The following TRIM16 variants were observed in gnomAD, a reference collection of about 807,000 sequenced individuals.
The protein encoded by TRIM16 is tripartite motif containing 16.
A neutral mutation model predicts 50.4 loss-of-function variants in TRIM16; 33 were observed. That is an observed-to-expected ratio of 0.65 (90% CI 0.50 to 0.88). TRIM16 has a LOEUF of 0.88. Ranked by LOEUF, TRIM16 falls within the 40% of genes least tolerant of loss-of-function variation. The pLI, the probability that TRIM16 is intolerant of heterozygous loss-of-function variation, is 0.00. For synonymous variants in TRIM16, 229 were observed against 270.7 expected, an observed-to-expected ratio of 0.85 and a Z score of 1.51; for missense variants, 581 against 686.8, an observed-to-expected ratio of 0.85 and a Z score of 1.72.
chr17:15,673,513 C>T (rs1988801700), intron 6 of TRIM16, among the ~76,000 whole-genome samples: 1 of 152,074 alleles, frequency 6.6e-6, no homozygotes, highest in South Asian at 2.1e-4. Flanking sequence ...ATCTCAGGTT[C>T]TGGCTAGTAC....
Position 15,673,756 on chromosome 17 carries a change from T to C in TRIM16, c.-338+3420A>G, listed in dbSNP as rs574322326. ...ATAACCAAAAAATAATGCCTGGCTTTATTAGGTACACATAAAATTTCTTAG... is the reference window on the plus strand; with the variant it reads ...ATAACCAAAAAATAATGCCTGGCTTCATTAGGTACACATAAAATTTCTTAG... On this transcript the variant is annotated intron_variant, in intron 6 of 11. Coordinates refer to ENST00000649191, the MANE Select transcript of TRIM16 (RefSeq NM_001348119.1). 2.0e-5 allele frequency among the ~76,000 whole-genome samples: 3 copies of C among 152,366 alleles called. No homozygotes were observed. The South Asian group carries it at 6.2e-4, about 32-fold the overall frequency.
chr17:15,674,947 A>T (rs938284941), intron 6 of TRIM16, among the ~76,000 whole-genome samples: 5 of 151,866 alleles, frequency 3.3e-5, no homozygotes, highest in African/African-American at 4.8e-5. Context: ...TGGTATTAGG[A>T]TATGTAATTA....
At chr17:15,648,413 A>AGT (rs1987523050) in intron 7 of TRIM16, among the ~76,000 whole-genome samples, 1 of 152,152 alleles carries the variant, frequency 6.6e-6, no homozygotes, top group Non-Finnish European at 1.5e-5. Context: ...GTGTCTGCCC[A>AGT]CTGATATGGC....
At chr17:15,632,478 A>C in intron 10 of TRIM16, 31 bp downstream of exon 10, 2 of 1,583,370 alleles carry the variant, frequency 1.3e-6, no homozygotes, top group Non-Finnish European at 1.7e-6. Flanking sequence ...AGACACACTC[A>C]CTATAGTCCA....
intron 6 of TRIM16, among the ~76,000 whole-genome samples, chr17:15,672,644 G>A (rs564825589): frequency 6.6e-6 from 1 of 152,290 alleles, no homozygotes; most frequent in South Asian, 2.1e-4. Context: ...TGAGGTGGGA[G>A]GATCAAGGAT....
intron 6 of TRIM16, among the ~76,000 whole-genome samples, chr17:15,662,392 A>G (rs1358825990): frequency 6.6e-6 from 1 of 152,198 alleles, no homozygotes; most frequent in Non-Finnish European, 1.5e-5. Context: ...CTTGAGTCCC[A>G]GATTCCTTAA....
chr17:15,677,585 C>G lies in TRIM16; in HGVS notation c.-453G>C, dbSNP rs564292521. On this transcript the variant is annotated 5_prime_UTR_variant, in exon 5 of 12. Transcript: ENST00000649191. ...AGGACCCAAGCTCACCCAAGGAGAC[C>G]AGGTTCCTATAGTTCTCCAGCATTA... is the stretch of plus-strand genomic sequence containing the variant. The G allele has an allele frequency of 1.8e-5, 19 of 1,052,642 alleles. No individual in the cohort carries two copies. The African/African-American group carries it at 2.9e-4, about 16-fold the overall frequency. The allele number at this position is 1,052,642 out of a possible 1,614,324, so 65.2% of individuals were successfully genotyped here. A position where few individuals can be genotyped will look rare whatever the true frequency, so the allele number is the denominator to read the frequency against.
rs571900909 is a variant in TRIM16 at position 15,683,124 on chromosome 17, A to G, written c.-865T>C. ...GTAGCAACCTTTCCGTTCTCCACGTATCTTCCTGGAAATTGCCAGCATTCT... is the reference window on the plus strand; with the variant it reads ...GTAGCAACCTTTCCGTTCTCCACGTGTCTTCCTGGAAATTGCCAGCATTCT... On this transcript the variant is annotated 5_prime_UTR_variant, in exon 2 of 12. Transcript: ENST00000649191. The G allele has an allele frequency of 4.7e-5, 73 of 1,550,394 alleles. No individual in the cohort carries two copies. The East Asian group carries it at 1.7e-3, about 37-fold the overall frequency.
At chr17:15,671,144 G>A (rs1253168600) in intron 6 of TRIM16, among the ~76,000 whole-genome samples, 27 of 152,210 alleles carry the variant, frequency 1.8e-4, no homozygotes, top group Non-Finnish European at 2.2e-4. Flanking sequence ...ACTAGCACAC[G>A]AATGAACTGA....
At chr17:15,676,431 C>CT (rs57392285) in intron 6 of TRIM16, among the ~76,000 whole-genome samples, 44 of 125,712 alleles carry the variant, frequency 3.5e-4, no homozygotes, top group East Asian at 9.1e-4. Context: ...AGAATTTTTT[C>CT]TTTTTTTTTT....
At position 15,677,631 on chromosome 17, in the gene TRIM16, T is replaced by C; in HGVS notation, c.-499A>G. 1.9e-6 allele frequency: 2 copies of C among 1,050,524 alleles called. No homozygotes were observed. The highest frequency in any genetic ancestry group is 1.2e-6 in the Non-Finnish European group (1 of 862,132). The allele number at this position is 1,050,524 out of a possible 1,614,324, so 65.1% of individuals were successfully genotyped here. On this transcript the variant is annotated 5_prime_UTR_variant, in exon 5 of 12. Transcript: ENST00000649191. ...CATTACATCCCTGTACAAGACTCTC[T>C]GAGCAAGGTCCAGTTCTCTCCATTC...
intron 8 of TRIM16, among the ~76,000 whole-genome samples, chr17:15,642,332 G>C (rs2150909144): frequency 6.7e-6 from 1 of 149,314 alleles, no homozygotes. Flanking sequence ...CATAGGACTG[G>C]TGAGACTCAC....
chr17:15,674,383 C>T (rs1293640954), intron 6 of TRIM16, among the ~76,000 whole-genome samples: 1 of 151,416 alleles, frequency 6.6e-6, no homozygotes, highest in South Asian at 2.1e-4. Flanking sequence ...AAAAAAAAGA[C>T]ACAATAACAT....
intron 6 of TRIM16, 74 bp from the exon 7 acceptor site, chr17:15,652,020 T>A (rs927488979): frequency 1.2e-5 from 13 of 1,042,364 alleles, no homozygotes; most frequent in Admixed American, 9.9e-5. Flanking sequence ...AGCGACATTT[T>A]TTTTTGTTTT....
chr17:15,677,104 C>T (rs1988983993), intron 6 of TRIM16, 72 bp downstream of exon 6: 2 of 918,968 alleles, frequency 2.2e-6, no homozygotes, highest in Non-Finnish European at 2.6e-6. Flanking sequence ...ACATTTTCTA[C>T]AGGCCCGGAG....
Position 15,651,773 on chromosome 17 carries a change from G to A in TRIM16, c.-164C>T. On this transcript the variant is annotated 5_prime_UTR_variant, in exon 7 of 12. An upstream open reading frame in the 5' UTR gains an earlier in-frame stop. Transcript: ENST00000649191. ...GCTCGGCCACTCATTACTGTGTGCTGGCGCTGGATGGCAGCCAGATGCGAT... is the reference window on the plus strand; with the variant it reads ...GCTCGGCCACTCATTACTGTGTGCTAGCGCTGGATGGCAGCCAGATGCGAT... The A allele has an allele frequency of 1.4e-6, 2 of 1,478,054 alleles. No homozygotes were observed. The highest frequency in any genetic ancestry group is 1.8e-6 in the Non-Finnish European group (2 of 1,119,452). The allele number at this position is 1,478,054 out of a possible 1,614,324, so 91.6% of individuals were successfully genotyped here. A position where few individuals can be genotyped will look rare whatever the true frequency, so the allele number is the denominator to read the frequency against.
At chr17:15,648,240 A>C (rs1987507670) in intron 7 of TRIM16, among the ~76,000 whole-genome samples, 1 of 146,590 alleles carries the variant, frequency 6.8e-6, no homozygotes, top group Admixed American at 6.6e-5. Flanking sequence ...AAAAAAAAAA[A>C]CAAAAAACAA....
chr17:15,667,778 C>T (rs1190802386), intron 6 of TRIM16, among the ~76,000 whole-genome samples: 1 of 152,136 alleles, frequency 6.6e-6, no homozygotes, highest in Non-Finnish European at 1.5e-5. Flanking sequence ...CACAGGGGTA[C>T]ACAACACCTC....
chr17:15,628,611 G>A lies in TRIM16; in HGVS notation c.*4C>T, dbSNP rs775577088. The A allele has an allele frequency of 3.1e-6, 5 of 1,591,554 alleles. No homozygotes were observed. The South Asian group carries it at 3.4e-5, about 11-fold the overall frequency. On this transcript the variant is annotated 3_prime_UTR_variant, in exon 12 of 12. Transcript: ENST00000649191. ...GCAAAGGTCTGGGATATGGCTCCTG[G>A]AGTCTAGGGAGCAGTCCCCACCAAG...
Sources: allele counts gnomAD v4.1 joint callset (sites outside exome capture counted in the v4.1 genomes callset), GRCh38; gene constraint gnomAD v4.1.1; transcripts MANE v1.5; gene names NCBI Gene and HGNC (gene_info 2026-07-23, HGNC 2026-07-21).